STAB1: variants seen among roughly 807,000 people sequenced by gnomAD.
The protein encoded by STAB1 is stabilin 1, also known as stabilin-1.
In STAB1, 250 loss-of-function variants were observed where a neutral mutation model predicts 332.4. The observed-to-expected ratio is 0.75, with a 90% CI of 0.68 to 0.84. STAB1 has a LOEUF of 0.84. STAB1 is among the 40% of genes least tolerant of loss of function. The pLI is 0.00. For synonymous variants in STAB1, 1,475 were observed against 1,390.4 expected (o/e 1.06, Z -1.35); for missense variants, 3,249 against 3,489.7 (o/e 0.93, Z 1.74).
intron 21 of STAB1, 82 bp from the exon 22 acceptor site, chr3:52,509,128 C>A: frequency 2.3e-6 from 3 of 1,277,610 alleles, no homozygotes; most frequent in African/African-American, 1.5e-5. Context: ...CAGAGCCAGC[C>A]CATGAAAGGA....
chr3:52,515,479 C>T lies in STAB1; in HGVS notation c.3921C>T (p.Cys1307=), dbSNP rs1234101087. Residue 1307 remains cysteine, a synonymous_variant, in exon 37 of 69, where the codon TGC becomes TGT. Transcript: ENST00000321725. ...YRSGFSFSRG[C]SYTCAKKIQV... is the part of the protein sequence containing the mutation. ...CTGGCTTCTCCTTCTCCCGGGGCTG[C>T]TCTTACACATGTGCCAAGAAGATCC... 6.2e-7 allele frequency: 1 copy of T among 1,613,516 alleles called. No homozygotes were observed. Among genetic ancestry groups the T allele is most frequent in the East Asian group, 2.2e-5 (1 of 44,886 alleles).
Position 52,509,330 on chromosome 3 carries a change from T to C in STAB1, c.2347+9T>C. 6.2e-7 allele frequency: 1 copy of C among 1,611,788 alleles called. No homozygotes were observed. The highest frequency in any genetic ancestry group is 8.5e-7 in the Non-Finnish European group (1 of 1,178,990). ...AGAGCAATGCCAGGAAGGTGGGTGGTCCTGGCTCAGGCCACCTCCTAGGGA... is the reference window on the plus strand; with the variant it reads ...AGAGCAATGCCAGGAAGGTGGGTGGCCCTGGCTCAGGCCACCTCCTAGGGA... On this transcript the variant is annotated intron_variant, in intron 22 of 68. Transcript: ENST00000321725.
intron 35 of STAB1, 47 bp downstream of exon 35, chr3:52,514,876 G>A: frequency 6.2e-7 from 1 of 1,612,872 alleles, no homozygotes; most frequent in African/African-American, 1.3e-5. Flanking sequence ...GTTCAGAGCT[G>A]GGAGGGCCTA....
rs201594699 is a variant in STAB1, at chr3:52,505,028, A to T, written c.1403A>T (p.Gln468Leu). 3.9e-5 allele frequency: 63 copies of T among 1,613,854 alleles called. No individual in the cohort carries two copies. The Admixed American group carries it at 6.7e-4, about 17-fold the overall frequency. ...AAATACTCCTACAAGTACAAAGACCAGCCCCAGCAGACGTTCAACATCTAC... is the reference window on the plus strand; with the variant it reads ...AAATACTCCTACAAGTACAAAGACCTGCCCCAGCAGACGTTCAACATCTAC... ...FTKYSYKYKD[Q>L]PQQTFNIYKA... The change falls in exon 13 of 69, where the codon CAG becomes CTG. Residue 468 changes from glutamine (Q) to leucine (L), a missense_variant. Transcript: ENST00000321725.
chr3:52,518,197 CG>C (rs1399828809), intron 45 of STAB1, 114 bp from the exon 46 acceptor site: 1 of 1,546,422 alleles, frequency 6.5e-7, no homozygotes, highest in Non-Finnish European at 8.8e-7. Flanking sequence ...TCAGACCCCG[CG>C]GCTTTCCTTT....
At position 52,507,609 on chromosome 3, in the gene STAB1, C is replaced by T. The variant is rs762548283; in HGVS notation, c.1990-4C>T. The T allele has an allele frequency of 1.9e-6, 3 of 1,613,462 alleles. No homozygotes were observed. In the Admixed American group the frequency reaches 5.0e-5, roughly 27 times the overall value. On this transcript the variant is annotated splice_polypyrimidine_tract_variant and splice_region_variant and intron_variant, in intron 18 of 68. Transcript: ENST00000321725. ...TCTCCCCATCCTGCCCCTGCCCTGCCCAGGGCTCCTGTGTGGACTGCCAAG... is the reference window on the plus strand; with the variant it reads ...TCTCCCCATCCTGCCCCTGCCCTGCTCAGGGCTCCTGTGTGGACTGCCAAG...
intron 21 of STAB1, 159 bp downstream of exon 21, chr3:52,508,518 T>G (rs1277202527): frequency 6.8e-6 from 5 of 731,590 alleles, no homozygotes; most frequent in Admixed American, 4.1e-5. Flanking sequence ...TTTCTCATAT[T>G]TTAATTAAAA....
intron 10 of STAB1, 105 bp downstream of exon 10, chr3:52,504,260 T>G: frequency 2.0e-6 from 3 of 1,503,048 alleles, no homozygotes; most frequent in African/African-American, 1.4e-5. Context: ...TGCCCAGGGC[T>G]GTGGGAACAA....
chr3:52,520,420 G>A lies in STAB1; in HGVS notation c.5520G>A (p.Glu1840=). ...TGCAGGGTGAGCTCATGGTGGGTGA[G>A]GATGATGCTCGCATTGTGCAGCGGC... ...RTRAGELMVG[E]DDARIVQRHL... The change falls in exon 53 of 69, where the codon GAG becomes GAA. Residue 1840 remains glutamate, a synonymous_variant. Transcript: ENST00000321725. The A allele has an allele frequency of 2.5e-6, 4 of 1,612,152 alleles. No individual in the cohort carries two copies. Among genetic ancestry groups the A allele is most frequent in the Non-Finnish European group, 3.4e-6 (4 of 1,179,292 alleles).
rs767673102 is a variant in STAB1 at position 52,512,598 on chromosome 3, G to C, written c.2982G>C (p.Glu994Asp). ...GFSCYGDIFR[E>D]LEANAHFSIF... ...CTCAGACTTTTCCCTTCCCTTAGGA[G>C]CTGGAGGCAAATGCCCACTTCTCCA... The change falls in exon 28 of 69, where the codon GAG becomes GAC. Residue 994 changes from glutamate to aspartate, a missense_variant and splice_region_variant. Glu to Asp is a conservative substitution (Grantham distance 45). Transcript: ENST00000321725. 1 of 1,613,934 alleles carries C rather than the reference G, an allele frequency of 6.2e-7. No homozygotes were observed. The highest frequency in any genetic ancestry group is 8.5e-7 in the Non-Finnish European group (1 of 1,180,012).
At position 52,518,830 on chromosome 3, in the gene STAB1, G is replaced by C; in HGVS notation, c.4995G>C (p.Thr1665=). The C allele has an allele frequency of 1.2e-6, 2 of 1,608,240 alleles. No individual in the cohort carries two copies. Among genetic ancestry groups the C allele is most frequent in the Middle Eastern group, 1.7e-4 (1 of 5,910 alleles). ...ACCTGCTGGAGCAGGGGTACGCCAC[G>C]GCCCTCTCAGGGCACCCACTGCGCT... is the stretch of plus-strand genomic sequence containing the variant. ...SEDLLEQGYA[T]ALSGHPLRFS... The change falls in exon 48 of 69, where the codon ACG becomes ACC. Residue 1665 remains threonine, a synonymous_variant. Transcript: ENST00000321725.
At chr3:52,515,985 T>C (rs1425801030) in intron 37 of STAB1, 58 bp from the exon 38 acceptor site, 20 of 1,497,800 alleles carry the variant, frequency 1.3e-5, no homozygotes, top group Non-Finnish European at 1.8e-5. Context: ...CCCGTTCCCC[T>C]TCCCCCTGAC....
At chr3:52,509,167 G>C (rs1243871434) in intron 21 of STAB1, 43 bp from the exon 22 acceptor site, 1 of 1,570,526 alleles carries the variant, frequency 6.4e-7, no homozygotes, top group South Asian at 1.1e-5. Flanking sequence ...GATGTAGAGA[G>C]TCCCTTTCCC....
chr3:52,508,381 G>A, intron 21 of STAB1, 22 bp downstream of exon 21: 1 of 1,611,376 alleles, frequency 6.2e-7, no homozygotes, highest in Non-Finnish European at 8.5e-7. Context: ...CCTCTCCTGG[G>A]GTGAGGTATG....
chr3:52,512,795 C>A (rs748933799), intron 28 of STAB1, 33 bp from the exon 29 acceptor site: 2 of 1,604,654 alleles, frequency 1.2e-6, no homozygotes, highest in South Asian at 1.1e-5. Flanking sequence ...GCCTTCCTCG[C>A]TCCTCCCGCC....
intron 49 of STAB1, 29 bp from the exon 50 acceptor site, chr3:52,519,476 C>A: frequency 1.2e-6 from 2 of 1,613,088 alleles, no homozygotes; most frequent in Non-Finnish European, 1.7e-6. Context: ...TCCCGCCTGG[C>A]CTAGCTGTTT....
rs907586315 is a variant in STAB1, at chr3:52,503,021, G to A, written c.606G>A (p.Leu202=). Residue 202 remains leucine (L), a synonymous_variant, in exon 7 of 69, where the codon CTG becomes CTA. Coordinates refer to ENST00000321725, the MANE Select transcript of STAB1 (RefSeq NM_015136.3). The stretch of plus-strand genomic sequence containing the variant: ...CAGAGCTGCCCGTCTGCCAGGAGCT[G>A]CGCTGTCCCCAGAACACCCAGTGCT... The part of the protein sequence containing the change: ...CDQELPVCQE[L]RCPQNTQCSA... 21 of 1,596,070 alleles carry A rather than the reference G, an allele frequency of 1.3e-5. No homozygotes were observed. The Middle Eastern group carries it at 5.6e-4, about 43-fold the overall frequency.
At chr3:52,518,504 C>T (rs1266392386) in intron 46 of STAB1, 32 bp from the exon 47 acceptor site, 26 of 1,567,298 alleles carry the variant, frequency 1.7e-5, no homozygotes, top group Non-Finnish European at 2.1e-5. Context: ...AGGCTTCTCC[C>T]ATTCCACTCA....
Position 52,504,759 on chromosome 3 carries a change from C to A in STAB1, c.1260C>A (p.Leu420=). ...TGCAGGCATCCCTTGCCCAGCAGCT[C>A]TGTAGACAGCACATCATCGCAGGGC... ...RTMNASLAQQ[L]CRQHIIAGQH... Residue 420 remains leucine (L), a synonymous_variant, in exon 12 of 69, where the codon CTC becomes CTA. Coordinates refer to ENST00000321725, the MANE Select transcript of STAB1 (RefSeq NM_015136.3). 1 of 1,613,864 alleles carries A rather than the reference C, an allele frequency of 6.2e-7. No individual in the cohort carries two copies. Among genetic ancestry groups the A allele is most frequent in the East Asian group, 2.2e-5 (1 of 44,892 alleles).
Sources: gnomAD v4.1 joint callset for allele counts on GRCh38, gnomAD v4.1.1 for gene constraint, MANE v1.5 for transcripts, NCBI Gene and HGNC (gene_info 2026-07-23, HGNC 2026-07-21) for gene names.